The following MTNR1B variants were observed in gnomAD, a reference collection of about 807,000 sequenced individuals.
The protein encoded by MTNR1B is melatonin receptor type 1B.
In MTNR1B, 7 loss-of-function variants were observed where a neutral mutation model predicts 7.0. That is an observed-to-expected ratio of 1.00 (90% CI 0.57 to 1.88). MTNR1B has a LOEUF of 1.88. Among genes scored for constraint, MTNR1B ranks in the 40% most tolerant of loss-of-function variants. The pLI is 0.00. For missense variants in MTNR1B, 478 were observed against 486.5 expected, an observed-to-expected ratio of 0.98 and a Z score of 0.16; for synonymous variants, 226 against 208.2, an observed-to-expected ratio of 1.09 and a Z score of -0.74.
chr11:92,983,276 G>A (rs557267478), downstream of MTNR1B, among the ~76,000 whole-genome samples: 47 of 152,232 alleles, frequency 3.1e-4, 1 homozygote, highest in South Asian at 2.5e-3. Context: ...GGCTATCACC[G>A]GATGCGGTGC....
chr11:92,982,079 C>A lies in MTNR1B; in HGVS notation c.856C>A (p.Pro286Thr), dbSNP rs747529688. ...INPQEMAPQI[P>T]EGLFVTSYLL... ...CCCCCAAGAAATGGCTCCCCAGATC[C>A]CTGAGGGGCTATTTGTCACTAGCTA... The change falls in exon 2 of 2, where the codon CCT becomes ACT. Residue 286 changes from proline to threonine, a missense_variant. Coordinates refer to ENST00000257068, the MANE Select transcript of MTNR1B (RefSeq NM_005959.5). The A allele has an allele frequency of 1.9e-6, 3 of 1,614,220 alleles. No individual in the cohort carries two copies. The East Asian group carries it at 6.7e-5, about 36-fold the overall frequency.
intron 1 of MTNR1B, among the ~76,000 whole-genome samples, chr11:92,981,141 A>G (rs1253788323): frequency 1.3e-5 from 2 of 152,168 alleles, no homozygotes; most frequent in African/African-American, 2.4e-5. Context: ...AACAGTTAGC[A>G]TGTGTCAGCA....
Position 92,981,863 on chromosome 11 carries a change from G to T in MTNR1B, c.640G>T (p.Ala214Ser), listed in dbSNP as rs754089451. Residue 214 changes from alanine to serine, a missense_variant, in exon 2 of 2, where the codon GCT becomes TCT. Ala to Ser is a moderately conservative substitution (Grantham distance 99). Coordinates refer to ENST00000257068, the MANE Select transcript of MTNR1B (RefSeq NM_005959.5). ...GGTCATCCACTTCCTCCTCCCTATC[G>T]CTGTCGTGTCCTTCTGCTACCTGCG... ...VVVIHFLLPI[A>S]VVSFCYLRIW... is the part of the protein sequence containing the mutation. 1.9e-6 allele frequency: 3 copies of T among 1,614,134 alleles called. No homozygotes were observed. The South Asian group carries it at 3.3e-5, about 18-fold the overall frequency.
chr11:92,984,239 C>A (rs4753072), downstream of MTNR1B, among the ~76,000 whole-genome samples: 84,674 of 151,972 alleles, frequency 0.56, 23,940 homozygotes, highest in East Asian at 0.7. Context: ...GTGCTTAGTC[C>A]CCTAGCCACC....
At chr11:92,978,998 A>G (rs1267741149) in intron 1 of MTNR1B, among the ~76,000 whole-genome samples, 1 of 152,208 alleles carries the variant, frequency 6.6e-6, no homozygotes, top group Non-Finnish European at 1.5e-5. Flanking sequence ...ATGGAGACTC[A>G]TCTTCCTGTG....
chr11:92,969,730 C>T lies in MTNR1B; in HGVS notation c.5C>T (p.Ser2Leu). M[S>L]ENGSFANCCE... ...CACAGCGCGGGAGAGTCTGCGATGT[C>T]AGAGAACGGCTCCTTCGCCAACTGC... Residue 2 changes from serine to leucine, a missense_variant, in exon 1 of 2, where the codon TCA becomes TTA. Transcript: ENST00000257068. 1 of 1,478,490 alleles carries T rather than the reference C, an allele frequency of 6.8e-7. No individual in the cohort carries two copies. The allele number at this position is 1,478,490 out of a possible 1,614,324, so 91.6% of individuals were successfully genotyped here.
At position 92,982,170 on chromosome 11, in the gene MTNR1B, G is replaced by A. The variant is rs199529640; in HGVS notation, c.947G>A (p.Arg316His). 41 of 1,614,048 alleles carry A rather than the reference G, an allele frequency of 2.5e-5. No individual in the cohort carries two copies. The highest frequency in any genetic ancestry group is 6.7e-5 in the East Asian group (3 of 44,882). The change falls in exon 2 of 2, where the codon CGC (arginine) becomes CAC (histidine). Residue 316 changes from arginine to histidine, a missense_variant. By Grantham distance (29) the Arg-to-His change is conservative (BLOSUM62 0). Coordinates refer to ENST00000257068, the MANE Select transcript of MTNR1B (RefSeq NM_005959.5). ...TATGGGCTCTTGAACCAAAACTTCC[G>A]CAGGGAATACAAGAGGATCCTCTTG... is the stretch of plus-strand genomic sequence containing the variant. ...IVYGLLNQNF[R>H]REYKRILLAL...
At chr11:92,973,715 T>TC in intron 1 of MTNR1B, among the ~76,000 whole-genome samples, 1 of 152,300 alleles carries the variant, frequency 6.6e-6, no homozygotes, top group East Asian at 1.9e-4. Context: ...CAGTACAGCA[T>TC]CCCCCTCACT....
chr11:92,981,476 G>T lies in MTNR1B; in HGVS notation c.253G>T (p.Ala85Ser). 2.5e-6 allele frequency: 4 copies of T among 1,613,892 alleles called. No individual in the cohort carries two copies. In the South Asian group the frequency reaches 3.3e-5, roughly 13 times the overall value. The change falls in exon 2 of 2, where the codon GCT becomes TCT. Residue 85 changes from alanine (A) to serine (S), a missense_variant. By Grantham distance (99) the Ala-to-Ser change is moderately conservative. Coordinates refer to ENST00000257068, the MANE Select transcript of MTNR1B (RefSeq NM_005959.5). The part of the protein sequence containing the change: ...GNLFLVSLAL[A>S]DLVVAFYPYP... ...TTTGTTCTTGGTGAGTCTGGCATTG[G>T]CTGACCTGGTGGTGGCCTTCTACCC...
intron 1 of MTNR1B, among the ~76,000 whole-genome samples, chr11:92,974,733 G>A (rs975384417): frequency 2.6e-5 from 4 of 152,092 alleles, no homozygotes; most frequent in African/African-American, 9.7e-5. Context: ...CTCCCGAGTA[G>A]CTGGGACTAC....
At chr11:92,983,104 C>T (rs117113773), downstream of MTNR1B, among the ~76,000 whole-genome samples, 2,273 of 152,070 alleles carry the variant, frequency 0.015, 38 homozygotes, top group Middle Eastern at 0.027. Context: ...AAGATCATGC[C>T]GTAGTCAGCC....
At chr11:92,975,371 G>T (rs561319914) in intron 1 of MTNR1B, among the ~76,000 whole-genome samples, 1 of 152,184 alleles carries the variant, frequency 6.6e-6, no homozygotes, top group Non-Finnish European at 1.5e-5. Context: ...TCTGGGGTAC[G>T]TTGATGATTG....
intron 1 of MTNR1B, among the ~76,000 whole-genome samples, chr11:92,980,706 A>G (rs1353612757): frequency 6.6e-6 from 1 of 152,180 alleles, no homozygotes; most frequent in Non-Finnish European, 1.5e-5. Context: ...GAGGCCCCCC[A>G]GAGGCTGTGA....
At position 92,982,140 on chromosome 11, in the gene MTNR1B, T is replaced by C. The variant is rs1858120621; in HGVS notation, c.917T>C (p.Ile306Thr). ...LAYFNSCLNA[I>T]VYGLLNQNFR... ...TATTTCAACAGCTGCCTGAATGCCATTGTCTATGGGCTCTTGAACCAAAAC... is the reference window on the plus strand; with the variant it reads ...TATTTCAACAGCTGCCTGAATGCCACTGTCTATGGGCTCTTGAACCAAAAC... The change falls in exon 2 of 2, where the codon ATT (isoleucine) becomes ACT (threonine). Residue 306 changes from isoleucine to threonine, a missense_variant. Physicochemically the swap from Ile to Thr is moderately conservative, Grantham distance 89 (BLOSUM62 -1). Coordinates refer to ENST00000257068, the MANE Select transcript of MTNR1B (RefSeq NM_005959.5). The C allele has an allele frequency of 6.2e-6, 10 of 1,614,174 alleles. No homozygotes were observed. Among genetic ancestry groups the C allele is most frequent in the Non-Finnish European group, 8.5e-6 (10 of 1,180,032 alleles).
chr11:92,982,431 C>T lies in MTNR1B; in HGVS notation c.*119C>T. 2 of 1,261,840 alleles carry T rather than the reference C, an allele frequency of 1.6e-6. No individual in the cohort carries two copies. The highest frequency in any genetic ancestry group is 2.1e-6 in the Non-Finnish European group (2 of 932,846). The allele number at this position is 1,261,840 out of a possible 1,614,324, so 78.2% of individuals were successfully genotyped here. ...CACTGTCCTGTTGGCATCACAGCCC[C>T]AAGGCTGGGGGAACTTCATGCTGGG... On this transcript the variant is annotated 3_prime_UTR_variant, in exon 2 of 2. Transcript: ENST00000257068.
In MTNR1B at chr11:92,982,534, TG is replaced by T. The variant is rs1238505841; in HGVS notation, c.*224del. On this transcript the variant is annotated 3_prime_UTR_variant, in exon 2 of 2. Coordinates refer to ENST00000257068, the MANE Select transcript of MTNR1B (RefSeq NM_005959.5). ...GGCCACAGGACCTGGAAAACACTCT[TG>T]GTGGTGTCTTGGGGATTTGGTGCAC... 6.9e-6 allele frequency: 4 copies of T among 580,754 alleles called. No individual in the cohort carries two copies. The highest frequency in any genetic ancestry group is 1.9e-5 in the African/African-American group (1 of 53,520). The allele number at this position is 580,754 out of a possible 1,614,324, so 36.0% of individuals were successfully genotyped here. A position where few individuals can be genotyped will look rare whatever the true frequency, so the allele number is the denominator to read the frequency against.
intron 1 of MTNR1B, among the ~76,000 whole-genome samples, chr11:92,978,861 G>A (rs1384728088): frequency 6.6e-6 from 1 of 152,190 alleles, no homozygotes; most frequent in Non-Finnish European, 1.5e-5. Flanking sequence ...AGCAGAACTT[G>A]ACTCTGCCTT....
intron 1 of MTNR1B, among the ~76,000 whole-genome samples, chr11:92,973,182 T>C (rs564161334): frequency 1.3e-5 from 2 of 152,284 alleles, no homozygotes; most frequent in African/African-American, 4.8e-5. Flanking sequence ...AAAGTCATCT[T>C]TGGTTCCTCC....
intron 1 of MTNR1B, among the ~76,000 whole-genome samples, chr11:92,971,143 T>C (rs1857915837): frequency 6.6e-6 from 1 of 152,014 alleles, no homozygotes; most frequent in Admixed American, 6.5e-5. Flanking sequence ...ATATTTTTGG[T>C]AGACACAGTA....
Sources: allele counts gnomAD v4.1 joint callset (sites outside exome capture counted in the v4.1 genomes callset), GRCh38; gene constraint gnomAD v4.1.1; transcripts MANE v1.5; gene names NCBI Gene and HGNC (gene_info 2026-07-23, HGNC 2026-07-21).